The following SLC48A1 variants were observed in gnomAD, a reference collection of about 807,000 sequenced individuals.
SLC48A1 encodes solute carrier family 48 member 1, also known as heme transporter HRG1.
Under a neutral mutation model 14.8 loss-of-function variants are expected in SLC48A1, and 6 were observed. The observed-to-expected ratio is 0.41, with a 90% CI of 0.22 to 0.80. The LOEUF (loss-of-function observed/expected upper bound fraction) is 0.80. Among genes scored for constraint, SLC48A1 ranks in the 30% least tolerant of loss-of-function variants. The pLI is 0.34. For missense variants in SLC48A1, 165 were observed against 204.8 expected (o/e 0.81, Z 1.19); for synonymous variants, 89 against 90.0 (o/e 0.99, Z 0.06).
chr12:47,760,521 G>T (rs980894912), intron 2 of SLC48A1: 10 of 478,516 alleles, frequency 2.1e-5, no homozygotes, highest in Non-Finnish European at 2.7e-5. Flanking sequence ...GTCACAAAGG[G>T]GTCCCCTATT....
At chr12:47,779,845 G>A (rs575542589) in intron 2 of SLC48A1, among the ~76,000 whole-genome samples, 3 of 152,358 alleles carry the variant, frequency 2.0e-5, no homozygotes, top group Non-Finnish European at 4.4e-5. Flanking sequence ...TGAGGCGCAT[G>A]CGAGGGTTGC....
intron 1 of SLC48A1, among the ~76,000 whole-genome samples, chr12:47,759,569 G>A (rs1942306881): frequency 6.6e-6 from 1 of 152,212 alleles, no homozygotes; most frequent in African/African-American, 2.4e-5. Flanking sequence ...CCCCTACCGC[G>A]CGCTCCCTGG....
chr12:47,774,242 G>A (rs570108507), intron 1 of SLC48A1, among the ~76,000 whole-genome samples: 3 of 152,312 alleles, frequency 2.0e-5, no homozygotes, highest in South Asian at 4.1e-4. Flanking sequence ...ACCTCTCTGC[G>A]CCATAGAATT....
intron 1 of SLC48A1, chr12:47,759,040 G>A (rs916330173): frequency 1.9e-5 from 19 of 988,534 alleles, no homozygotes; most frequent in Non-Finnish European, 2.3e-5. Flanking sequence ...GTCCGCACCC[G>A]GGGGTACCAG....
intron 1 of SLC48A1, chr12:47,758,776 G>A: frequency 8.1e-7 from 1 of 1,227,964 alleles, no homozygotes; most frequent in Non-Finnish European, 1.0e-6. Flanking sequence ...TGGGGGCGTG[G>A]TGGGGGGACG....
chr12:47,764,485 G>A (rs181977367), intron 2 of SLC48A1, among the ~76,000 whole-genome samples: 138 of 152,318 alleles, frequency 9.1e-4, no homozygotes, highest in African/African-American at 3.1e-3. Context: ...TGGTAGGGGC[G>A]ACTGCAGGAG....
Position 47,780,549 on chromosome 12 carries a change from TTTTC to T in SLC48A1, c.*276_*279del, listed in dbSNP as rs752691208. On this transcript the variant is annotated 3_prime_UTR_variant, in exon 3 of 3. Coordinates refer to ENST00000442218, the MANE Select transcript of SLC48A1 (RefSeq NM_017842.3). ...GACCTTTTCAAATGAATCTGTTTTC[TTTTC>T]TTTCTTTTTTTTTTCTTTTTTTTTT... 3.1e-4 allele frequency: 211 copies of T among 689,988 alleles called. No individual in the cohort carries two copies. Among genetic ancestry groups the T allele is most frequent in the Non-Finnish European group, 4.1e-4 (153 of 369,980 alleles). 42.7% of individuals were successfully genotyped at this position (689,988 alleles called of 1,614,324 possible). A position where few individuals can be genotyped will look rare whatever the true frequency, so the allele number is the denominator to read the frequency against.
chr12:47,761,605 A>C (rs1189216920), intron 2 of SLC48A1, among the ~76,000 whole-genome samples: 1 of 152,216 alleles, frequency 6.6e-6, no homozygotes, highest in Non-Finnish European at 1.5e-5. Flanking sequence ...CAGATATTTG[A>C]TCAAGGCTGA....
At chr12:47,765,263 G>T (rs537984959) in intron 2 of SLC48A1, among the ~76,000 whole-genome samples, 29 of 152,178 alleles carry the variant, frequency 1.9e-4, no homozygotes, top group Non-Finnish European at 2.2e-4. Flanking sequence ...AAACAGAAAA[G>T]TGGGGTCCAG....
upstream of SLC48A1, chr12:47,770,942 C>A (rs1389826424): frequency 2.2e-6 from 1 of 456,648 alleles, no homozygotes; most frequent in South Asian, 1.5e-5. Context: ...CCATCCTGGC[C>A]AGCTCTGAAG....
chr12:47,768,488 A>G (rs902408708), upstream of SLC48A1: 1 of 152,268 alleles, frequency 6.6e-6, no homozygotes, highest in African/African-American at 2.4e-5. Context: ...AGCAGAGGAA[A>G]GGGAGGACTC....
chr12:47,780,620 G>A lies in SLC48A1; in HGVS notation c.*339G>A, dbSNP rs1197637894. ...CTTACTCTGTCACCCAGGCTGGAGTGCAGTAGTGCGATCTCAGCTCACTGC... is the reference window on the plus strand; with the variant it reads ...CTTACTCTGTCACCCAGGCTGGAGTACAGTAGTGCGATCTCAGCTCACTGC... On this transcript the variant is annotated 3_prime_UTR_variant, in exon 3 of 3. Transcript: ENST00000442218. The A allele has an allele frequency of 4.6e-6, 2 of 433,364 alleles. No individual in the cohort carries two copies. The highest frequency in any genetic ancestry group is 2.2e-5 in the African/African-American group (1 of 44,824). 26.8% of individuals were successfully genotyped at this position (433,364 alleles called of 1,614,324 possible).
intron 2 of SLC48A1, among the ~76,000 whole-genome samples, chr12:47,765,187 A>G (rs1313818742): frequency 6.6e-6 from 1 of 151,608 alleles, no homozygotes; most frequent in African/African-American, 2.4e-5. Flanking sequence ...AGAAACAGAA[A>G]AGTGGGATCC....
intron 1 of SLC48A1, among the ~76,000 whole-genome samples, chr12:47,759,325 CG>C (rs1942292994): frequency 6.6e-6 from 1 of 152,324 alleles, no homozygotes; most frequent in South Asian, 2.1e-4. Flanking sequence ...TCCAGCCGCC[CG>C]GGGGAGGGAA....
At chr12:47,754,690 C>T (rs1428592757), upstream of SLC48A1, among the ~76,000 whole-genome samples, 1 of 152,114 alleles carries the variant, frequency 6.6e-6, no homozygotes, top group East Asian at 1.9e-4. Context: ...GTTTAGTTGA[C>T]TTGATCAGAT....
upstream of SLC48A1, among the ~76,000 whole-genome samples, chr12:47,755,360 A>G (rs143082082): frequency 2.0e-5 from 3 of 152,358 alleles, no homozygotes; most frequent in Admixed American, 6.5e-5. Context: ...TGTCTGGCAC[A>G]TAAGTACTGT....
chr12:47,758,174 C>A, upstream of SLC48A1: 1 of 1,471,204 alleles, frequency 6.8e-7, no homozygotes, highest in Non-Finnish European at 9.0e-7. Flanking sequence ...TCCTTAGAGT[C>A]CTCTGGACTG....
At chr12:47,761,758 T>C (rs1942385623) in intron 2 of SLC48A1, among the ~76,000 whole-genome samples, 1 of 152,164 alleles carries the variant, frequency 6.6e-6, no homozygotes, top group African/African-American at 2.4e-5. Flanking sequence ...GACAGATAAA[T>C]AATAATAAGA....
At chr12:47,767,846 A>G (rs1942549089), upstream of SLC48A1, among the ~76,000 whole-genome samples, 1 of 152,250 alleles carries the variant, frequency 6.6e-6, no homozygotes, top group Non-Finnish European at 1.5e-5. Flanking sequence ...TCTGAAGTAA[A>G]ATGAGCAAGG....
Sources: gnomAD v4.1 joint callset for allele counts (sites outside exome capture counted in the v4.1 genomes callset) on GRCh38, gnomAD v4.1.1 for gene constraint, MANE v1.5 for transcripts, NCBI Gene and HGNC (gene_info 2026-07-23, HGNC 2026-07-21) for gene names.